Variants in GABRB1 observed in about 807,000 individuals in gnomAD.
GABRB1 encodes the protein gamma-aminobutyric acid type A receptor subunit beta1, also known as gamma-aminobutyric acid receptor subunit beta-1.
GABRB1 carries 17 observed loss-of-function variants against 51.6 expected under a neutral mutation model. The observed-to-expected ratio is 0.33, with a 90% CI of 0.23 to 0.49. The LOEUF (loss-of-function observed/expected upper bound fraction) is 0.49, where lower values mean the gene tolerates loss of function less well. Among genes scored for constraint, GABRB1 ranks in the 20% least tolerant of loss-of-function variants. The probability of loss-of-function intolerance (pLI) is 0.99; values close to 1 mark genes in which losing one functional copy is unlikely to be tolerated. For synonymous variants in GABRB1, 247 were observed against 218.9 expected (o/e 1.13, Z -1.14); for missense variants, 410 against 600.6 (o/e 0.68, Z 3.32).
At chr4:47,322,827 T>G (rs950010462) in intron 5 of GABRB1, among the ~76,000 whole-genome samples, 1 of 152,004 alleles carries the variant, frequency 6.6e-6, no homozygotes, top group Non-Finnish European at 1.5e-5. Flanking sequence ...AAAAATTAGC[T>G]GGGTGCTGGC....
At chr4:47,034,734 A>C (rs1459744316) in intron 3 of GABRB1, among the ~76,000 whole-genome samples, 2 of 152,158 alleles carry the variant, frequency 1.3e-5, no homozygotes, top group Non-Finnish European at 2.9e-5. Context: ...TCCAAGAAAA[A>C]TGGAAATAAA....
At chr4:47,208,818 G>T (rs180791467) in intron 4 of GABRB1, among the ~76,000 whole-genome samples, 2 of 152,144 alleles carry the variant, frequency 1.3e-5, no homozygotes, top group Non-Finnish European at 2.9e-5. Context: ...CTACCCTATA[G>T]TTGGGTCCAT....
At chr4:47,159,659 T>C (rs1291082026) in intron 3 of GABRB1, among the ~76,000 whole-genome samples, 1 of 152,068 alleles carries the variant, frequency 6.6e-6, no homozygotes, top group Admixed American at 6.6e-5. Context: ...TCTGAGTAAA[T>C]AGTATAAATG....
intron 3 of GABRB1, among the ~76,000 whole-genome samples, chr4:47,127,905 C>T (rs567799129): frequency 4.0e-4 from 60 of 150,850 alleles, no homozygotes; most frequent in Admixed American, 1.5e-3. Flanking sequence ...TAAAATATAA[C>T]GCTAAAAGTT....
chr4:47,354,763 C>CT (rs575230133), intron 5 of GABRB1, among the ~76,000 whole-genome samples: 2,743 of 150,642 alleles, frequency 0.018, 31 homozygotes, highest in Non-Finnish European at 0.029. Flanking sequence ...ATTTACCTCA[C>CT]TTTTTTTTTA....
rs776903597 is a variant in GABRB1 at position 47,425,668 on chromosome 4, CA to C, written c.1081-5del. 1 of 1,577,908 alleles carries C rather than the reference CA, an allele frequency of 6.3e-7. No individual in the cohort carries two copies. The highest frequency in any genetic ancestry group is 8.6e-7 in the Non-Finnish European group (1 of 1,162,064). On this transcript the variant is annotated splice_polypyrimidine_tract_variant and splice_region_variant and intron_variant, in intron 8 of 8. Coordinates refer to ENST00000295454, the MANE Select transcript of GABRB1 (RefSeq NM_000812.4). The stretch of plus-strand genomic sequence containing the variant: ...TTGTGTCCGAGCCTGTTCTTTTTGC[CA>C]TCAGGTCGACGCCCACGGTAACATT...
In GABRB1 at chr4:47,031,956, G is replaced by A. The variant is rs1725321536; in HGVS notation, c.123G>A (p.Val41=). The part of the protein sequence containing the change: ...PSNMSYVKET[V]DRLLKGYDIR... ...ACATGTCATACGTGAAAGAGACAGT[G>A]GACAGATTGCTCAAAGGATATGACA... Residue 41 remains valine, a synonymous_variant, in exon 2 of 9, where the codon GTG becomes GTA. Transcript: ENST00000295454. 1 of 1,613,620 alleles carries A rather than the reference G, an allele frequency of 6.2e-7. No individual in the cohort carries two copies. The highest frequency in any genetic ancestry group is 1.3e-5 in the African/African-American group (1 of 74,746).
chr4:47,174,847 C>T (rs897817759), intron 4 of GABRB1, among the ~76,000 whole-genome samples: 5 of 151,762 alleles, frequency 3.3e-5, no homozygotes, highest in Non-Finnish European at 7.4e-5. Context: ...CTATAGGCTT[C>T]CTCCCTCCCT....
At chr4:47,130,572 C>A (rs557807648) in intron 3 of GABRB1, among the ~76,000 whole-genome samples, 53 of 152,194 alleles carry the variant, frequency 3.5e-4, no homozygotes, top group African/African-American at 1.3e-3. Context: ...ATTTGCCTCC[C>A]CCCAGATTAG....
intron 3 of GABRB1, among the ~76,000 whole-genome samples, chr4:47,136,726 T>C (rs1017185228): frequency 3.3e-5 from 5 of 152,116 alleles, no homozygotes; most frequent in Non-Finnish European, 7.4e-5. Context: ...CAATAAATTG[T>C]GGTCTCTGGG....
At chr4:47,000,388 G>A (rs1012690231) in intron 1 of GABRB1, among the ~76,000 whole-genome samples, 4 of 152,194 alleles carry the variant, frequency 2.6e-5, no homozygotes, top group African/African-American at 9.6e-5. Flanking sequence ...AAAATGTTAA[G>A]TTTTGCTAAA....
At chr4:47,295,486 T>C (rs1158227438) in intron 4 of GABRB1, among the ~76,000 whole-genome samples, 1 of 152,056 alleles carries the variant, frequency 6.6e-6, no homozygotes, top group Non-Finnish European at 1.5e-5. Flanking sequence ...GCCGATGTGA[T>C]CAACTGGAAG....
At chr4:47,072,533 C>G (rs1180643151) in intron 3 of GABRB1, among the ~76,000 whole-genome samples, 1 of 152,138 alleles carries the variant, frequency 6.6e-6, no homozygotes, top group African/African-American at 2.4e-5. Flanking sequence ...ATAAAGGAAT[C>G]TGCTATTTTT....
At chr4:47,106,709 A>G (rs1560537219) in intron 3 of GABRB1, among the ~76,000 whole-genome samples, 1 of 151,894 alleles carries the variant, frequency 6.6e-6, no homozygotes, top group Non-Finnish European at 1.5e-5. Context: ...TTCTTGCATG[A>G]GGACTCATAT....
At chr4:47,301,804 G>T (rs1437258205) in intron 4 of GABRB1, among the ~76,000 whole-genome samples, 1 of 151,942 alleles carries the variant, frequency 6.6e-6, no homozygotes, top group East Asian at 1.9e-4. Flanking sequence ...TGGCAAAATT[G>T]GCCAGTATCC....
intron 4 of GABRB1, among the ~76,000 whole-genome samples, chr4:47,199,562 G>A (rs4695196): frequency 0.85 from 129,084 of 152,032 alleles, 54,782 homozygotes; most frequent in Middle Eastern, 0.92. Context: ...GCTTGCACTG[G>A]AAGAGACAGA....
rs142663082 is a variant in GABRB1, at chr4:47,167,874, C to G, written c.461+6405C>G. ...CCCTAGGGAATCTTGGATTGCTCAG[C>G]CTCCAGAACTGGGAGCCAGTAAATT... On this transcript the variant is annotated intron_variant, in intron 4 of 8. Coordinates refer to ENST00000295454, the MANE Select transcript of GABRB1 (RefSeq NM_000812.4). Among the ~76,000 whole-genome samples the G allele has an allele frequency of 5.9e-5, 9 of 152,242 alleles. No individual in the cohort carries two copies. The East Asian group carries it at 1.7e-3, about 29-fold the overall frequency.
Position 47,426,428 on chromosome 4 carries a change from C to CAAAAAAA in GABRB1, c.*423_*429dup. 1.2e-5 allele frequency: 1 copy of CAAAAAAA among 84,826 alleles called. No homozygotes were observed. Among genetic ancestry groups the CAAAAAAA allele is most frequent in the Non-Finnish European group, 2.6e-5 (1 of 38,398 alleles). 5.3% of individuals were successfully genotyped at this position (84,826 alleles called of 1,614,324 possible). A position where few individuals can be genotyped will look rare whatever the true frequency, so the allele number is the denominator to read the frequency against. On this transcript the variant is annotated 3_prime_UTR_variant, in exon 9 of 9. Transcript: ENST00000295454. ...GTAAACTATAACAAACTTATGCTGC[C>CAAAAAAA]AAAAAAAAAAAAAAAAAAACATAAA...
intron 3 of GABRB1, among the ~76,000 whole-genome samples, chr4:47,158,423 A>G (rs573388294): frequency 2.6e-5 from 4 of 152,164 alleles, no homozygotes; most frequent in African/African-American, 9.6e-5. Flanking sequence ...ACTCTTACCA[A>G]TTTTCAAGAT....
Sources: gnomAD v4.1 joint callset for allele counts (sites outside exome capture counted in the v4.1 genomes callset) on GRCh38, gnomAD v4.1.1 for gene constraint, MANE v1.5 for transcripts, NCBI Gene and HGNC (gene_info 2026-07-23, HGNC 2026-07-21) for gene names.